NIBAN1: variants seen among roughly 807,000 people sequenced by gnomAD.
NIBAN1 encodes niban apoptosis regulator 1, also known as protein Niban 1.
Under a neutral mutation model 75.1 loss-of-function variants are expected in NIBAN1, and 81 were observed. The ratio of observed to expected loss-of-function variants is 1.08; its 90% CI spans 0.90 to 1.30. The LOEUF (loss-of-function observed/expected upper bound fraction) is 1.30. Ranked by LOEUF, NIBAN1 falls within the 50% of genes most tolerant of loss-of-function variation. NIBAN1 has a pLI of 0.00. For missense variants in NIBAN1, 1,133 were observed against 1,128.1 expected (o/e 1.00, Z -0.06); for synonymous variants, 436 against 424.8 (o/e 1.03, Z -0.32).
intron 13 of NIBAN1, 34 bp downstream of exon 13, chr1:184,798,045 G>C (rs764831362): frequency 4.2e-6 from 6 of 1,440,134 alleles, no homozygotes; most frequent in Non-Finnish European, 5.8e-6. Context: ...CCCCTCTATG[G>C]AGTGTCCCTG....
intron 5 of NIBAN1, among the ~76,000 whole-genome samples, chr1:184,866,896 T>A (rs1050499017): frequency 6.6e-6 from 1 of 152,192 alleles, no homozygotes; most frequent in Non-Finnish European, 1.5e-5. Context: ...TTGCAAGGTA[T>A]CTATGAAAGA....
chr1:184,844,144 A>C (rs1655371219), intron 5 of NIBAN1, among the ~76,000 whole-genome samples: 1 of 152,244 alleles, frequency 6.6e-6, no homozygotes, highest in Admixed American at 6.5e-5. Context: ...GTAGCACATA[A>C]AAATACTAGG....
At chr1:184,917,757 G>C (rs765825577) in intron 1 of NIBAN1, among the ~76,000 whole-genome samples, 2 of 151,422 alleles carry the variant, frequency 1.3e-5, no homozygotes, top group Non-Finnish European at 2.9e-5. Flanking sequence ...CCTTTTTCTC[G>C]GATTGCCATT....
intron 5 of NIBAN1, among the ~76,000 whole-genome samples, chr1:184,840,363 G>A (rs1481205574): frequency 6.6e-6 from 1 of 152,216 alleles, no homozygotes; most frequent in East Asian, 1.9e-4. Context: ...AGGAGAGGAG[G>A]AATATGTCAA....
intron 1 of NIBAN1, among the ~76,000 whole-genome samples, chr1:184,942,769 A>G (rs1658127403): frequency 6.6e-6 from 1 of 151,068 alleles, no homozygotes; most frequent in Non-Finnish European, 1.5e-5. Flanking sequence ...AACTGGCCAC[A>G]CTCAGCTCTG....
At chr1:184,823,809 T>C in intron 6 of NIBAN1, 67 bp from the exon 7 acceptor site, 9 of 1,368,258 alleles carry the variant, frequency 6.6e-6, no homozygotes, top group Non-Finnish European at 9.4e-6. Flanking sequence ...TCAGGCCAAC[T>C]AAAAATGTCC....
intron 1 of NIBAN1, among the ~76,000 whole-genome samples, chr1:184,912,942 C>T (rs1466875911): frequency 2.6e-5 from 4 of 152,098 alleles, no homozygotes; most frequent in Non-Finnish European, 4.4e-5. Flanking sequence ...CCCAGGCCTA[C>T]TGAATCAGAA....
intron 1 of NIBAN1, among the ~76,000 whole-genome samples, chr1:184,970,425 C>T (rs85671): frequency 0.45 from 68,347 of 151,938 alleles, 16,009 homozygotes; most frequent in Middle Eastern, 0.53. Flanking sequence ...AAGTAGACTA[C>T]AGATGTGTAC....
intron 1 of NIBAN1, among the ~76,000 whole-genome samples, chr1:184,958,612 G>A (rs779065733): frequency 8.6e-5 from 13 of 152,024 alleles, no homozygotes; most frequent in South Asian, 2.1e-4. Flanking sequence ...GTTACCTTTC[G>A]TCTAAGATAT....
intron 1 of NIBAN1, among the ~76,000 whole-genome samples, chr1:184,909,704 T>C (rs112304207): frequency 9.8e-4 from 149 of 152,312 alleles, no homozygotes; most frequent in African/African-American, 3.4e-3. Context: ...GCCAAAATGG[T>C]TTTGACCCAC....
At position 184,822,667 on chromosome 1, in the gene NIBAN1, G is replaced by A. The variant is rs540428246; in HGVS notation, c.985+500C>T. 2.6e-5 allele frequency among the ~76,000 whole-genome samples: 4 copies of A among 152,288 alleles called. No homozygotes were observed. In the South Asian group the frequency reaches 8.3e-4, roughly 32 times the overall value. On this transcript the variant is annotated intron_variant, in intron 8 of 13. Transcript: ENST00000367511. ...GGGGCTACAAACCTACATTTATTGG[G>A]TTTGTAGGGTGACTGGGTATGACTC...
intron 6 of NIBAN1, 27 bp from the exon 7 acceptor site, chr1:184,823,769 C>T (rs1209591409): frequency 3.8e-6 from 6 of 1,599,894 alleles, no homozygotes; most frequent in African/African-American, 1.3e-5. Flanking sequence ...AGCCCAGAGT[C>T]GGTCAGTCGG....
chr1:184,827,536 C>T (rs1571497641), intron 6 of NIBAN1, among the ~76,000 whole-genome samples: 1 of 144,568 alleles, frequency 6.9e-6, no homozygotes, highest in Non-Finnish European at 1.5e-5. Context: ...TGAATTTTAA[C>T]ATAAGTGACC....
intron 5 of NIBAN1, among the ~76,000 whole-genome samples, chr1:184,852,741 C>T (rs1156792939): frequency 6.6e-6 from 1 of 152,200 alleles, no homozygotes; most frequent in Non-Finnish European, 1.5e-5. Flanking sequence ...GTCTTCAAGG[C>T]TACCTTCTCC....
intron 1 of NIBAN1, among the ~76,000 whole-genome samples, chr1:184,907,048 A>G (rs1470369596): frequency 3.9e-5 from 6 of 152,190 alleles, no homozygotes; most frequent in African/African-American, 1.4e-4. Flanking sequence ...TTCCTATTTC[A>G]ATTACTTTTA....
At chr1:184,868,853 T>A (rs1457731969) in intron 5 of NIBAN1, among the ~76,000 whole-genome samples, 1 of 152,194 alleles carries the variant, frequency 6.6e-6, no homozygotes, top group Non-Finnish European at 1.5e-5. Flanking sequence ...GTCGGCCTGC[T>A]TGGCTTTAAA....
At chr1:184,951,085 T>C (rs1571599206) in intron 1 of NIBAN1, among the ~76,000 whole-genome samples, 1 of 152,168 alleles carries the variant, frequency 6.6e-6, no homozygotes, top group Non-Finnish European at 1.5e-5. Context: ...CCTCCTCTCA[T>C]GGCTATGTAG....
At chr1:184,957,720 T>G (rs1226929066) in intron 1 of NIBAN1, among the ~76,000 whole-genome samples, 2 of 152,218 alleles carry the variant, frequency 1.3e-5, no homozygotes, top group Non-Finnish European at 2.9e-5. Flanking sequence ...TGTCCTCATT[T>G]TCATAGGAGA....
rs1558093048 is a variant in NIBAN1, at chr1:184,795,635, T to C, written c.2129A>G (p.Lys710Arg). The C allele has an allele frequency of 3.1e-6, 5 of 1,614,082 alleles. No homozygotes were observed. ...PEPITASGSL[K>R]ALRKLLTASV... ...CGCTGTCAGCAACTTTCTGAGCGCC[T>C]TCAAAGAACCCGAGGCAGTGATGGG... Residue 710 changes from lysine to arginine, a missense_variant, in exon 14 of 14, where the codon AAG becomes AGG. Transcript: ENST00000367511.
Sources: gnomAD v4.1 joint callset for allele counts (sites outside exome capture counted in the v4.1 genomes callset) on GRCh38, gnomAD v4.1.1 for gene constraint, MANE v1.5 for transcripts, NCBI Gene and HGNC (gene_info 2026-07-23, HGNC 2026-07-21) for gene names.